The following ST6GALNAC3 variants were observed in gnomAD, a reference collection of about 807,000 sequenced individuals.
The protein encoded by ST6GALNAC3 is ST6 N-acetylgalactosaminide alpha-2,6-sialyltransferase 3.
In ST6GALNAC3, 25 loss-of-function variants were observed where a neutral mutation model predicts 32.7. The observed-to-expected ratio is 0.76, with a 90% CI of 0.56 to 1.07. The LOEUF is 1.07. Among genes scored for constraint, ST6GALNAC3 ranks in the 50% least tolerant of loss-of-function variants. The pLI, the probability that ST6GALNAC3 is intolerant of heterozygous loss-of-function variation, is 0.00. For synonymous variants in ST6GALNAC3, 129 were observed against 133.1 expected, an observed-to-expected ratio of 0.97 and a Z score of 0.21; for missense variants, 355 against 382.4, an observed-to-expected ratio of 0.93 and a Z score of 0.60.
intron 2 of ST6GALNAC3, among the ~76,000 whole-genome samples, chr1:76,352,977 T>C (rs565275232): frequency 1.3e-4 from 20 of 152,274 alleles, no homozygotes; most frequent in African/African-American, 4.6e-4. Context: ...CACCATCTGC[T>C]GTCACCTACA....
Position 76,211,019 on chromosome 1 carries a change from C to T in ST6GALNAC3, c.19-102786C>T, listed in dbSNP as rs529737815. Among the ~76,000 whole-genome samples, 27 of 152,276 alleles carry T rather than the reference C, an allele frequency of 1.8e-4. 1 individual carries two copies. The highest frequency in any genetic ancestry group is 6.0e-4 in the African/African-American group (25 of 41,564). ...GATTACAGGCATGAGCCATTGCACC[C>T]GGCCTCTCTTCCTCTTCTTATGGGG... On this transcript the variant is annotated intron_variant, in intron 1 of 4. Transcript: ENST00000328299.
At chr1:76,334,438 C>T (rs895054736) in intron 2 of ST6GALNAC3, among the ~76,000 whole-genome samples, 9 of 152,140 alleles carry the variant, frequency 5.9e-5, no homozygotes, top group East Asian at 1.9e-4. Flanking sequence ...ATCGTTCCCA[C>T]GTATTAAATG....
At chr1:76,396,564 T>A (rs1480584483) in intron 2 of ST6GALNAC3, among the ~76,000 whole-genome samples, 1 of 152,238 alleles carries the variant, frequency 6.6e-6, no homozygotes, top group Admixed American at 6.5e-5. Flanking sequence ...TCTGTCTGCT[T>A]AGCTCATTGG....
chr1:76,484,636 GT>G (rs970307897), intron 3 of ST6GALNAC3, among the ~76,000 whole-genome samples: 1 of 152,128 alleles, frequency 6.6e-6, no homozygotes, highest in African/African-American at 2.4e-5. Context: ...AGACAATGGG[GT>G]TTTCTAAATA....
chr1:76,163,765 T>C (rs1168422556), intron 1 of ST6GALNAC3, among the ~76,000 whole-genome samples: 1 of 152,206 alleles, frequency 6.6e-6, no homozygotes, highest in Non-Finnish European at 1.5e-5. Context: ...CAAGCTAATT[T>C]ACACAATTCA....
At chr1:76,497,431 A>T (rs1447535350) in intron 3 of ST6GALNAC3, among the ~76,000 whole-genome samples, 1 of 152,178 alleles carries the variant, frequency 6.6e-6, no homozygotes, top group Admixed American at 6.5e-5. Flanking sequence ...GTGGAAAGGG[A>T]TAAAATAAAT....
intron 1 of ST6GALNAC3, among the ~76,000 whole-genome samples, chr1:76,189,001 G>A (rs946952056): frequency 1.3e-5 from 2 of 152,206 alleles, no homozygotes; most frequent in Non-Finnish European, 2.9e-5. Flanking sequence ...GTCAGAGGAT[G>A]TCAACATGGA....
chr1:76,310,059 T>C, intron 1 of ST6GALNAC3: 4 of 462,066 alleles, frequency 8.7e-6, no homozygotes, highest in South Asian at 4.7e-5. Context: ...AGCCATGCAA[T>C]GCAATATAGC....
intron 3 of ST6GALNAC3, among the ~76,000 whole-genome samples, chr1:76,550,066 G>A (rs566155009): frequency 6.6e-5 from 10 of 152,174 alleles, no homozygotes; most frequent in African/African-American, 9.7e-5. Context: ...ATTCTGGATA[G>A]CAATTCTTTG....
At chr1:76,266,106 G>T (rs139242246) in intron 1 of ST6GALNAC3, among the ~76,000 whole-genome samples, 17 of 152,306 alleles carry the variant, frequency 1.1e-4, no homozygotes, top group African/African-American at 3.8e-4. Context: ...ACTGGAAATA[G>T]GTAGCAACAG....
intron 3 of ST6GALNAC3, among the ~76,000 whole-genome samples, chr1:76,463,651 C>G (rs1336864432): frequency 6.6e-6 from 1 of 152,178 alleles, no homozygotes; most frequent in Non-Finnish European, 1.5e-5. Context: ...GATTCACTTT[C>G]TGCTCTGAAG....
intron 3 of ST6GALNAC3, among the ~76,000 whole-genome samples, chr1:76,595,695 A>G (rs1647125210): frequency 6.6e-6 from 1 of 152,044 alleles, no homozygotes; most frequent in Admixed American, 6.6e-5. Context: ...ACACGCACAC[A>G]CACACACACA....
chr1:76,366,263 A>G (rs753699432), intron 2 of ST6GALNAC3, among the ~76,000 whole-genome samples: 1 of 152,164 alleles, frequency 6.6e-6, no homozygotes, highest in Non-Finnish European at 1.5e-5. Context: ...ATTCAAGCCT[A>G]TGATCTTCTT....
At chr1:76,265,153 A>G (rs913197706) in intron 1 of ST6GALNAC3, among the ~76,000 whole-genome samples, 2 of 152,154 alleles carry the variant, frequency 1.3e-5, no homozygotes, top group Non-Finnish European at 2.9e-5. Context: ...AGAGAAAAAA[A>G]GTCATTTTGG....
chr1:76,548,348 C>T (rs1305666019), intron 3 of ST6GALNAC3, among the ~76,000 whole-genome samples: 1 of 152,178 alleles, frequency 6.6e-6, no homozygotes, highest in African/African-American at 2.4e-5. Flanking sequence ...GATATTAATT[C>T]ACTTGCTTGA....
chr1:76,527,720 T>C (rs1663000739), intron 3 of ST6GALNAC3, among the ~76,000 whole-genome samples: 1 of 152,014 alleles, frequency 6.6e-6, no homozygotes, highest in South Asian at 2.1e-4. Flanking sequence ...TTCTAGGAAA[T>C]GGACAAAAGC....
chr1:76,605,186 T>TAGAAAAGAAAAAAAAAAAA (rs1647444989), intron 3 of ST6GALNAC3, among the ~76,000 whole-genome samples: 1 of 152,156 alleles, frequency 6.6e-6, no homozygotes, highest in Admixed American at 6.5e-5. Flanking sequence ...TTTGGTAGTT[T>TAGAAAAGAAAAAAAAAAAA]AGAAAAGGAA....
intron 3 of ST6GALNAC3, among the ~76,000 whole-genome samples, chr1:76,441,737 C>G (rs1334446998): frequency 6.6e-6 from 1 of 151,974 alleles, no homozygotes; most frequent in African/African-American, 2.4e-5. Context: ...TTTTTGTACC[C>G]ATTAACCATT....
rs931142925 is a variant in ST6GALNAC3 at position 76,545,782 on chromosome 1, G to A, written c.624-81670G>A. On this transcript the variant is annotated intron_variant, in intron 3 of 4. Coordinates refer to ENST00000328299, the MANE Select transcript of ST6GALNAC3 (RefSeq NM_152996.4). Reference sequence around the variant, plus strand: ...AGTGATTCTCCTGCCTCAGCCTCCCGAGTAGCTGGGATTACAGGCATGCCC... The same window carrying A: ...AGTGATTCTCCTGCCTCAGCCTCCCAAGTAGCTGGGATTACAGGCATGCCC... Among the ~76,000 whole-genome samples, 16 of 151,568 alleles carry A rather than the reference G, an allele frequency of 1.1e-4. No individual in the cohort carries two copies. In the East Asian group the frequency reaches 1.2e-3, roughly 11 times the overall value.
Sources: gnomAD v4.1 joint callset for allele counts (sites outside exome capture counted in the v4.1 genomes callset) on GRCh38, gnomAD v4.1.1 for gene constraint, MANE v1.5 for transcripts, NCBI Gene and HGNC (gene_info 2026-07-23, HGNC 2026-07-21) for gene names.